Variants in MMP14 observed in about 807,000 individuals in gnomAD.
The protein encoded by MMP14 is matrix metallopeptidase 14.
In MMP14, 13 loss-of-function variants were observed where a neutral mutation model predicts 64.8. The observed-to-expected ratio is 0.20, with a 90% confidence interval of 0.13 to 0.32. MMP14 has a LOEUF of 0.32. MMP14 is among the 10% of genes least tolerant of loss of function. MMP14 has a pLI of 1.00. For synonymous variants in MMP14, 322 were observed against 315.9 expected, an observed-to-expected ratio of 1.02 and a Z score of -0.20; for missense variants, 594 against 783.8, an observed-to-expected ratio of 0.76 and a Z score of 2.89.
chr14:22,838,990 AC>A, intron 1 of MMP14, among the ~76,000 whole-genome samples: 1 of 150,958 alleles, frequency 6.6e-6, no homozygotes, highest in East Asian at 1.9e-4. Context: ...GAATATTTAG[AC>A]CCCCCTAGCT....
intron 1 of MMP14, 132 bp downstream of exon 1, chr14:22,837,057 C>G: frequency 1.4e-6 from 1 of 738,816 alleles, no homozygotes; most frequent in Admixed American, 2.1e-5. Flanking sequence ...CAGGATTCCC[C>G]CTCCCTTTCT....
At position 22,842,804 on chromosome 14, in the gene MMP14, G is replaced by A. The variant is rs760593163; in HGVS notation, c.688+87G>A. On this transcript the variant is annotated intron_variant, in intron 4 of 9. Transcript: ENST00000311852. This position sits in a 1 kb window ranked among gnomAD's most constrained non-coding sequence, Gnocchi z 5.3. ...TCCCCTCCCTCCTTCCAAAATCTCC[G>A]GGCTAGAAGGGACCACAGAGACCTT... 82 of 1,377,568 alleles carry A rather than the reference G, an allele frequency of 6.0e-5. No homozygotes were observed. Among genetic ancestry groups the A allele is most frequent in the Admixed American group, 1.4e-4 (6 of 43,474 alleles). The allele number at this position is 1,377,568 out of a possible 1,614,324, so 85.3% of individuals were successfully genotyped here.
In MMP14 at chr14:22,841,898, C is replaced by T; in HGVS notation, c.258-15C>T. The T allele has an allele frequency of 1.9e-6, 3 of 1,614,222 alleles. No individual in the cohort carries two copies. Among genetic ancestry groups the T allele is most frequent in the Non-Finnish European group, 2.5e-6 (3 of 1,180,030 alleles). ...ACTGCACTGATCCCAATCCTCGCAC[C>T]CAAACCCACTCCAGGGCCATGAGGC... On this transcript the variant is annotated splice_polypyrimidine_tract_variant and intron_variant, in intron 2 of 9. Coordinates refer to ENST00000311852, the MANE Select transcript of MMP14 (RefSeq NM_004995.4).
chr14:22,842,141 T>A lies in MMP14; in HGVS notation c.380+106T>A. On this transcript the variant is annotated intron_variant, in intron 3 of 9. Coordinates refer to ENST00000311852, the MANE Select transcript of MMP14 (RefSeq NM_004995.4). This position sits in a 1 kb window ranked among gnomAD's most constrained non-coding sequence, Gnocchi z 5.3. ...CCCCTGCCCCACTCCCCTCAGTTCC[T>A]GGGAAGCATCCGTGGGAGTGGGGAG... 6.7e-7 allele frequency: 1 copy of A among 1,481,624 alleles called. No individual in the cohort carries two copies. Among genetic ancestry groups the A allele is most frequent in the Non-Finnish European group, 9.3e-7 (1 of 1,079,330 alleles). 91.8% of individuals were successfully genotyped at this position (1,481,624 alleles called of 1,614,324 possible). A position where few individuals can be genotyped will look rare whatever the true frequency, so the allele number is the denominator to read the frequency against.
chr14:22,839,162 C>T (rs889321367), intron 1 of MMP14, among the ~76,000 whole-genome samples: 5 of 152,226 alleles, frequency 3.3e-5, no homozygotes, highest in Admixed American at 1.3e-4. Context: ...TGAGGGTTGA[C>T]GGGGCCTGGC....
In MMP14 at chr14:22,836,862, G is replaced by C. The variant is rs1469852633; in HGVS notation, c.45G>C (p.Leu15=). 1 of 1,613,618 alleles carries C rather than the reference G, an allele frequency of 6.2e-7. No individual in the cohort carries two copies. Residue 15 remains leucine, a synonymous_variant, in exon 1 of 10, where the codon CTG becomes CTC. Transcript: ENST00000311852. ...PRPPRCLLLP[L]LTLGTALASL... The stretch of plus-strand genomic sequence containing the variant: ...CCCCCCGTTGTCTCCTGCTCCCCCT[G>C]CTCACGCTCGGCACCGCGCTCGCCT...
At chr14:22,844,074 AT>A (rs1181156371) in intron 6 of MMP14, among the ~76,000 whole-genome samples, 2 of 151,938 alleles carry the variant, frequency 1.3e-5, no homozygotes, top group Non-Finnish European at 2.9e-5. Flanking sequence ...GTGGGCGCCT[AT>A]GATCCCAGCT....
chr14:22,837,054 C>T (rs1450133936), intron 1 of MMP14, 129 bp downstream of exon 1: 1 of 739,868 alleles, frequency 1.4e-6, no homozygotes, highest in East Asian at 2.7e-5. Context: ...CTGCAGGATT[C>T]CCCCTCCCTT....
Position 22,847,353 on chromosome 14 carries a change from C to T in MMP14, c.*1314C>T, listed in dbSNP as rs1291647888. On this transcript the variant is annotated 3_prime_UTR_variant, in exon 10 of 10. Transcript: ENST00000311852. ...CTCACCAGTGGCCTGCCCTCTCGCT[C>T]CCCCACCCAGCCCACCCATTGAAGT... 1 of 151,416 alleles carries T rather than the reference C, an allele frequency of 6.6e-6. No individual in the cohort carries two copies. Among genetic ancestry groups the T allele is most frequent in the Non-Finnish European group, 1.5e-5 (1 of 67,804 alleles). The allele number at this position is 151,416 out of a possible 1,614,324, so 9.4% of individuals were successfully genotyped here. A position where few individuals can be genotyped will look rare whatever the true frequency, so the allele number is the denominator to read the frequency against.
At chr14:22,841,736 C>A in intron 2 of MMP14, 97 bp downstream of exon 2, 1 of 1,562,798 alleles carries the variant, frequency 6.4e-7, no homozygotes, top group South Asian at 1.2e-5. Context: ...GTGCACCCCA[C>A]TCCCCCATAT....
rs2138742202 is a variant in MMP14, at chr14:22,843,538, C to G, written c.850+120C>G. The G allele has an allele frequency of 7.1e-7, 1 of 1,402,120 alleles. No homozygotes were observed. The highest frequency in any genetic ancestry group is 1.3e-5 in the South Asian group (1 of 75,816). 86.9% of individuals were successfully genotyped at this position (1,402,120 alleles called of 1,614,324 possible). A position where few individuals can be genotyped will look rare whatever the true frequency, so the allele number is the denominator to read the frequency against. On this transcript the variant is annotated intron_variant, in intron 5 of 9. Transcript: ENST00000311852. This position sits in a 1 kb window ranked among gnomAD's most constrained non-coding sequence, Gnocchi z 4.8. ...CCGCCCCCTGCCAACCTGCCCCTGC[C>G]TCTATCAGCTCCACTTTTGAGCCCA... is the stretch of plus-strand genomic sequence containing the variant.
At position 22,842,956 on chromosome 14, in the gene MMP14, C is replaced by T. The variant is rs2039783766; in HGVS notation, c.688+239C>T. ...ATCCTTATTGCCCACTTTTCCAGACCGATGTCATGTCTCGCTCCCGGGAGA... is the reference window on the plus strand; with the variant it reads ...ATCCTTATTGCCCACTTTTCCAGACTGATGTCATGTCTCGCTCCCGGGAGA... On this transcript the variant is annotated intron_variant, in intron 4 of 9. Coordinates refer to ENST00000311852, the MANE Select transcript of MMP14 (RefSeq NM_004995.4). This position sits in a 1 kb window ranked among gnomAD's most constrained non-coding sequence, Gnocchi z 5.3. Among the ~76,000 whole-genome samples the T allele has an allele frequency of 6.6e-6, 1 of 152,144 alleles. No homozygotes were observed. Among genetic ancestry groups the T allele is most frequent in the Admixed American group, 6.5e-5 (1 of 15,280 alleles).
rs890078571 is a variant in MMP14 at position 22,841,534 on chromosome 14, G to A, written c.152G>A (p.Arg51His). The A allele has an allele frequency of 6.2e-6, 10 of 1,613,910 alleles. No individual in the cohort carries two copies. In the African/African-American group the frequency reaches 6.7e-5, roughly 11 times the overall value. ...GGCTACCTGCCTCCCGGGGACCTAC[G>A]TACCCACACACAGCGCTCACCCCAG... ...QYGYLPPGDLRTHTQRSPQSL... is the reference protein window; with the variant it reads ...QYGYLPPGDLHTHTQRSPQSL... Residue 51 changes from arginine to histidine, a missense_variant, in exon 2 of 10, where the codon CGT (arginine) becomes CAT (histidine). This residue lies in a region of MMP14 where 179 missense variants were observed against 283.4 expected (regional missense o/e 0.63). Coordinates refer to ENST00000311852, the MANE Select transcript of MMP14 (RefSeq NM_004995.4).
chr14:22,837,437 G>A (rs1339373396), intron 1 of MMP14: 20 of 454,900 alleles, frequency 4.4e-5, no homozygotes, highest in Admixed American at 4.2e-4. Flanking sequence ...TCTGCGGCCA[G>A]GTGGGGGTCG....
intron 1 of MMP14, chr14:22,837,211 C>T (rs914060253): frequency 2.6e-5 from 16 of 608,366 alleles, no homozygotes; most frequent in Non-Finnish European, 4.9e-5. Flanking sequence ...CTGGGGCGAA[C>T]TCCCCCTTCC....
In MMP14 at chr14:22,843,478, G is replaced by T. The variant is rs372750369; in HGVS notation, c.850+60G>T. On this transcript the variant is annotated intron_variant, in intron 5 of 9. Transcript: ENST00000311852. The surrounding 1 kb of genome is among the most constrained non-coding windows in gnomAD (Gnocchi z 4.8). ...TGCTGCTTGTTCCCTCCTGGTCTAC[G>T]CATTTCCCCTCTTTTATGCCTTGCA... is the stretch of plus-strand genomic sequence containing the variant. 1.9e-6 allele frequency: 3 copies of T among 1,565,536 alleles called. No homozygotes were observed.
intron 8 of MMP14, 128 bp downstream of exon 8, chr14:22,844,908 C>T: frequency 7.6e-7 from 1 of 1,308,132 alleles, no homozygotes; most frequent in Non-Finnish European, 1.1e-6. Flanking sequence ...GGCTGAGCCT[C>T]TGCTGTTGCC....
At chr14:22,840,839 G>T (rs905676259) in intron 1 of MMP14, among the ~76,000 whole-genome samples, 2 of 152,130 alleles carry the variant, frequency 1.3e-5, no homozygotes, top group Admixed American at 6.5e-5. Flanking sequence ...AGGCCTTTAG[G>T]TTCCAAGCCA....
Position 22,843,528 on chromosome 14 carries a change from C to A in MMP14, c.850+110C>A. 2 of 1,423,708 alleles carry A rather than the reference C, an allele frequency of 1.4e-6. No individual in the cohort carries two copies. Among genetic ancestry groups the A allele is most frequent in the South Asian group, 2.6e-5 (2 of 76,536 alleles). 88.2% of individuals were successfully genotyped at this position (1,423,708 alleles called of 1,614,324 possible). ...AGTCTCCGCACCGCCCCCTGCCAAC[C>A]TGCCCCTGCCTCTATCAGCTCCACT... is the stretch of plus-strand genomic sequence containing the variant. On this transcript the variant is annotated intron_variant, in intron 5 of 9. Coordinates refer to ENST00000311852, the MANE Select transcript of MMP14 (RefSeq NM_004995.4). The surrounding 1 kb of genome is among the most constrained non-coding windows in gnomAD (Gnocchi z 4.8).
Sources: allele counts gnomAD v4.1 joint callset (sites outside exome capture counted in the v4.1 genomes callset), GRCh38; gene constraint gnomAD v4.1.1; regional missense constraint gnomAD v4.1.1; non-coding constraint Gnocchi (gnomAD v3.1); transcripts MANE v1.5; gene names NCBI Gene and HGNC (gene_info 2026-07-23, HGNC 2026-07-21).